Variants in CTIF observed in about 807,000 individuals in gnomAD.
The protein encoded by CTIF is cap binding complex dependent translation initiation factor, also known as CBP80/20-dependent translation initiation factor.
In CTIF, 21 loss-of-function variants were observed where a neutral mutation model predicts 66.0. That is an observed-to-expected ratio of 0.32 (90% confidence interval 0.23 to 0.46). The LOEUF is 0.46. CTIF is among the 20% of genes least tolerant of loss of function. CTIF has a pLI of 1.00. For missense variants in CTIF, 739 were observed against 812.7 expected, an observed-to-expected ratio of 0.91 and a Z score of 1.10; for synonymous variants, 345 against 326.4, an observed-to-expected ratio of 1.06 and a Z score of -0.62.
At chr18:48,583,052 G>A (rs1599183701) in intron 1 of CTIF, among the ~76,000 whole-genome samples, 1 of 152,236 alleles carries the variant, frequency 6.6e-6, no homozygotes, top group East Asian at 1.9e-4. Context: ...CTGCTGTGGT[G>A]GAGGGGAGGG....
In CTIF at chr18:48,741,786, G is replaced by A. The variant is rs530318249; in HGVS notation, c.585-16133G>A. ...CCACCCAAAAGAAGTGGACTTATGGGGCTGAGAGCCTCCCACTCTGCTGTC... is the reference window on the plus strand; with the variant it reads ...CCACCCAAAAGAAGTGGACTTATGGAGCTGAGAGCCTCCCACTCTGCTGTC... On this transcript the variant is annotated intron_variant, in intron 7 of 11. Transcript: ENST00000256413. 8.5e-5 allele frequency among the ~76,000 whole-genome samples: 13 copies of A among 152,172 alleles called. No homozygotes were observed. The East Asian group carries it at 1.2e-3, about 14-fold the overall frequency.
intron 1 of CTIF, among the ~76,000 whole-genome samples, chr18:48,589,694 T>A (rs931964701): frequency 2.0e-5 from 3 of 152,182 alleles, no homozygotes; most frequent in Non-Finnish European, 4.4e-5. Flanking sequence ...AGGTTGAAAG[T>A]TCTCAGCATT....
At chr18:48,696,015 T>C (rs1289996078) in intron 6 of CTIF, among the ~76,000 whole-genome samples, 2 of 152,246 alleles carry the variant, frequency 1.3e-5, no homozygotes, top group East Asian at 3.8e-4. Flanking sequence ...AGTAGAACCT[T>C]TTGAAAACAG....
At chr18:48,829,204 T>G (rs1304821014) in intron 10 of CTIF, among the ~76,000 whole-genome samples, 1 of 152,156 alleles carries the variant, frequency 6.6e-6, no homozygotes, top group East Asian at 1.9e-4. Flanking sequence ...CCGTCTAGAT[T>G]TTTAAATCCT....
intron 9 of CTIF, among the ~76,000 whole-genome samples, chr18:48,782,686 G>C (rs1568214937): frequency 6.6e-6 from 1 of 152,212 alleles, no homozygotes. Flanking sequence ...GCTGCAGGCG[G>C]ACAGGTCCTG....
At chr18:48,643,471 G>C (rs1158870185) in intron 3 of CTIF, among the ~76,000 whole-genome samples, 5 of 152,182 alleles carry the variant, frequency 3.3e-5, no homozygotes, top group Non-Finnish European at 7.3e-5. Context: ...CCTTCCTTCT[G>C]AGTTGGGGCA....
chr18:48,618,554 G>A (rs957755465), intron 1 of CTIF, among the ~76,000 whole-genome samples: 2 of 152,184 alleles, frequency 1.3e-5, no homozygotes, highest in African/African-American at 4.8e-5. Flanking sequence ...GGAAGGGGAG[G>A]GTCCCTGGCC....
chr18:48,663,612 CT>C, intron 3 of CTIF, 139 bp from the exon 4 acceptor site: 1 of 740,722 alleles, frequency 1.4e-6, no homozygotes, highest in South Asian at 1.6e-5. Context: ...AGGCAGTCCC[CT>C]GACTCTGACT....
intron 1 of CTIF, among the ~76,000 whole-genome samples, chr18:48,542,706 A>G (rs2088649638): frequency 6.6e-6 from 1 of 152,204 alleles, no homozygotes; most frequent in Non-Finnish European, 1.5e-5. Context: ...TTAGTTTCAC[A>G]TATGTTGGTT....
Position 48,722,549 on chromosome 18 carries a change from C to T in CTIF, c.584+10854C>T, listed in dbSNP as rs2092348611. ...CTGTCCTCTTGAGATCGTATGCTGCCCAGGACCGCAAGATTCACAGGTGTA... is the reference window on the plus strand; with the variant it reads ...CTGTCCTCTTGAGATCGTATGCTGCTCAGGACCGCAAGATTCACAGGTGTA... On this transcript the variant is annotated intron_variant, in intron 7 of 11. Coordinates refer to ENST00000256413, the MANE Select transcript of CTIF (RefSeq NM_014772.3). Among the ~76,000 whole-genome samples, 3 of 152,040 alleles carry T rather than the reference C, an allele frequency of 2.0e-5. No individual in the cohort carries two copies. The South Asian group carries it at 6.2e-4, about 32-fold the overall frequency.
chr18:48,541,911 T>G (rs1185228915), intron 1 of CTIF, among the ~76,000 whole-genome samples: 1 of 152,004 alleles, frequency 6.6e-6, no homozygotes, highest in Non-Finnish European at 1.5e-5. Context: ...AGCCCCATTT[T>G]ACGGATGAAC....
At chr18:48,679,390 C>T (rs2091700658) in intron 6 of CTIF, among the ~76,000 whole-genome samples, 1 of 152,174 alleles carries the variant, frequency 6.6e-6, no homozygotes, top group African/African-American at 2.4e-5. Flanking sequence ...AAGTGGTAGT[C>T]ACATCTGGAA....
chr18:48,730,776 G>A (rs912571305), intron 7 of CTIF, among the ~76,000 whole-genome samples: 8 of 135,630 alleles, frequency 5.9e-5, no homozygotes, highest in Admixed American at 3.7e-4. Context: ...CACGATGAAC[G>A]CAGTGTGAAG....
chr18:48,836,821 G>T (rs572986979), intron 10 of CTIF, among the ~76,000 whole-genome samples: 5 of 152,198 alleles, frequency 3.3e-5, no homozygotes, highest in African/African-American at 1.2e-4. Flanking sequence ...CCTGGGCACC[G>T]CACATAGATG....
In CTIF at chr18:48,730,712, C is replaced by CGGTGTGAGGAGCCCCT. The variant is rs1555681537; in HGVS notation, c.584+19018_584+19019insGTGTGAGGAGCCCCTG. Among the ~76,000 whole-genome samples the CGGTGTGAGGAGCCCCT allele has an allele frequency of 2.2e-3, 158 of 71,184 alleles. 16 individuals carry two copies. Among genetic ancestry groups the CGGTGTGAGGAGCCCCT allele is most frequent in the African/African-American group, 9.0e-3 (129 of 14,336 alleles). 46.7% of individuals were successfully genotyped at this position (71,184 alleles called of 152,430 possible). A position where few individuals can be genotyped will look rare whatever the true frequency, so the allele number is the denominator to read the frequency against. On this transcript the variant is annotated intron_variant, in intron 7 of 11. Transcript: ENST00000256413. ...GAGCCCCTGAGGTGTGAGGGGCTTC[C>CGGTGTGAGGAGCCCCT]GCGGTGTGAGGGGCTTCCGTGGTGT...
intron 7 of CTIF, among the ~76,000 whole-genome samples, chr18:48,721,275 A>C (rs1274969665): frequency 1.3e-5 from 2 of 152,218 alleles, no homozygotes; most frequent in Non-Finnish European, 2.9e-5. Context: ...CTGCTCCCTG[A>C]GAAACTGGCC....
chr18:48,743,486 A>G (rs1473884068), intron 7 of CTIF, among the ~76,000 whole-genome samples: 4 of 152,250 alleles, frequency 2.6e-5, no homozygotes, highest in Non-Finnish European at 5.9e-5. Context: ...TATATAGTCA[A>G]ACTTTAGCCT....
At chr18:48,801,084 G>T (rs995228044) in intron 9 of CTIF, among the ~76,000 whole-genome samples, 8 of 152,148 alleles carry the variant, frequency 5.3e-5, no homozygotes, top group Non-Finnish European at 8.8e-5. Context: ...GAGAAGGTCT[G>T]AGCACTTCCT....
At chr18:48,814,794 C>A (rs999013020) in intron 9 of CTIF, among the ~76,000 whole-genome samples, 1 of 152,204 alleles carries the variant, frequency 6.6e-6, no homozygotes, top group African/African-American at 2.4e-5. Flanking sequence ...ACAAAGCTGT[C>A]AAAGATGCTG....
Sources: gnomAD v4.1 joint callset for allele counts (sites outside exome capture counted in the v4.1 genomes callset) on GRCh38, gnomAD v4.1.1 for gene constraint, MANE v1.5 for transcripts, NCBI Gene and HGNC (gene_info 2026-07-23, HGNC 2026-07-21) for gene names.